The following DNAJC16 variants were observed in gnomAD, a reference collection of about 807,000 sequenced individuals.
The protein encoded by DNAJC16 is dnaJ homolog subfamily C member 16.
In DNAJC16, 76 loss-of-function variants were observed where a neutral mutation model predicts 92.7. That is an observed-to-expected ratio of 0.82 (90% CI 0.68 to 0.99). The LOEUF is 0.99. DNAJC16 is among the 50% of genes least tolerant of loss of function. The pLI is 0.00. For missense variants in DNAJC16, 869 were observed against 942.4 expected, an observed-to-expected ratio of 0.92 and a Z score of 1.02; for synonymous variants, 328 against 358.7, an observed-to-expected ratio of 0.91 and a Z score of 0.97.
At chr1:15,555,683 A>G (rs1479941519) in intron 7 of DNAJC16, among the ~76,000 whole-genome samples, 4 of 140,970 alleles carry the variant, frequency 2.8e-5, no homozygotes, top group Non-Finnish European at 4.6e-5. Context: ...CTCCGTCTCA[A>G]AAAAAAAAAA....
intron 8 of DNAJC16, among the ~76,000 whole-genome samples, chr1:15,560,553 C>T (rs935326331): frequency 6.6e-6 from 1 of 152,134 alleles, no homozygotes; most frequent in African/African-American, 2.4e-5. Context: ...AAATTTAGGG[C>T]TGTTTCATCT....
chr1:15,562,248 C>T lies in DNAJC16; in HGVS notation c.1261C>T (p.His421Tyr). The change falls in exon 9 of 15, where the codon CAT becomes TAT. Residue 421 changes from histidine (H) to tyrosine (Y), a missense_variant. Transcript: ENST00000375847. ...ANTQDTVRFV[H>Y]VYSNRQQEFA... Reference sequence around the variant, plus strand: ...CACTCAAGACACAGTGAGATTTGTGCATGTCTACAGCAATCGGCAGCAGGA... The same window carrying T: ...CACTCAAGACACAGTGAGATTTGTGTATGTCTACAGCAATCGGCAGCAGGA... 6.2e-7 allele frequency: 1 copy of T among 1,614,112 alleles called. No individual in the cohort carries two copies.
At chr1:15,552,488 C>CA (rs985405995) in intron 7 of DNAJC16, among the ~76,000 whole-genome samples, 62 of 142,942 alleles carry the variant, frequency 4.3e-4, no homozygotes, top group Middle Eastern at 3.7e-3. Flanking sequence ...GACTTCATCT[C>CA]AAAAAAAAAA....
chr1:15,559,300 T>C (rs144343992), intron 7 of DNAJC16, among the ~76,000 whole-genome samples: 5 of 152,322 alleles, frequency 3.3e-5, no homozygotes, highest in South Asian at 2.1e-4. Flanking sequence ...GTGGAAAGTG[T>C]ACTTGATTTT....
At chr1:15,539,229 T>C (rs1157273229) in intron 4 of DNAJC16, among the ~76,000 whole-genome samples, 1 of 149,996 alleles carries the variant, frequency 6.7e-6, no homozygotes, top group South Asian at 2.1e-4. Flanking sequence ...AAGTCACATA[T>C]GCCTTTTTAT....
At chr1:15,532,093 C>T (rs553166464) in intron 2 of DNAJC16, among the ~76,000 whole-genome samples, 1 of 152,278 alleles carries the variant, frequency 6.6e-6, no homozygotes, top group South Asian at 2.1e-4. Flanking sequence ...ATCGTAGGTA[C>T]TTTTTGTTTG....
At chr1:15,549,446 A>C (rs796568324) in intron 7 of DNAJC16, among the ~76,000 whole-genome samples, 47 of 152,144 alleles carry the variant, frequency 3.1e-4, no homozygotes, top group African/African-American at 1.1e-3. Context: ...CACCCCACTT[A>C]CCCCTTTTTC....
At chr1:15,550,561 T>TG (rs1638421659) in intron 7 of DNAJC16, among the ~76,000 whole-genome samples, 1 of 152,234 alleles carries the variant, frequency 6.6e-6, no homozygotes, top group Non-Finnish European at 1.5e-5. Context: ...CTTTGAGGAA[T>TG]AGTGTTGCAA....
chr1:15,571,540 G>A lies in DNAJC16; in HGVS notation c.*3363G>A, dbSNP rs1638947403. 1 of 152,620 alleles carries A rather than the reference G, an allele frequency of 6.6e-6. No homozygotes were observed. Among genetic ancestry groups the A allele is most frequent in the Admixed American group, 6.5e-5 (1 of 15,270 alleles). The allele number at this position is 152,620 out of a possible 1,614,324, so 9.5% of individuals were successfully genotyped here. A position where few individuals can be genotyped will look rare whatever the true frequency, so the allele number is the denominator to read the frequency against. On this transcript the variant is annotated 3_prime_UTR_variant, in exon 15 of 15. Coordinates refer to ENST00000375847, the MANE Select transcript of DNAJC16 (RefSeq NM_015291.4). ...GGATAATTATGCTTGGGAGAGATCT[G>A]AAAAGAAGGTGAATATTTTGCACTT...
At position 15,567,792 on chromosome 1, in the gene DNAJC16, A is replaced by C. The variant is rs776958638; in HGVS notation, c.1964A>C (p.His655Pro). ...TCTTCCTACAGGAGCAGCTGCCTAC[A>C]CTTCTCCTTCCTGAGTCTAGATAAA... ...VYTFTGSSCL[H>P]FSFLSLDKHR... Residue 655 changes from histidine (H) to proline (P), a missense_variant, in exon 15 of 15, where the codon CAC (histidine) becomes CCC (proline). His to Pro is a moderately conservative substitution (Grantham distance 77). Transcript: ENST00000375847. 11 of 1,613,622 alleles carry C rather than the reference A, an allele frequency of 6.8e-6. No individual in the cohort carries two copies. Among genetic ancestry groups the C allele is most frequent in the Non-Finnish European group, 8.5e-7 (1 of 1,179,768 alleles).
chr1:15,559,919 C>G (rs569798732), intron 8 of DNAJC16, among the ~76,000 whole-genome samples: 4 of 151,876 alleles, frequency 2.6e-5, no homozygotes, highest in African/African-American at 7.3e-5. Context: ...CAAAATTAGC[C>G]GGGCATGGTG....
At chr1:15,558,001 C>T (rs1024426554) in intron 7 of DNAJC16, among the ~76,000 whole-genome samples, 1 of 151,970 alleles carries the variant, frequency 6.6e-6, no homozygotes, top group African/African-American at 2.4e-5. Flanking sequence ...CTGCCTCAGC[C>T]TCCTGAGTAG....
intron 9 of DNAJC16, among the ~76,000 whole-genome samples, chr1:15,563,565 C>G (rs774221803): frequency 1.4e-5 from 2 of 146,306 alleles, no homozygotes; most frequent in Non-Finnish European, 3.0e-5. Flanking sequence ...TGGTGGCTCA[C>G]AGCTGTAATC....
intron 4 of DNAJC16, among the ~76,000 whole-genome samples, chr1:15,540,306 A>G (rs1710902997): frequency 6.6e-6 from 1 of 152,172 alleles, no homozygotes; most frequent in East Asian, 1.9e-4. Flanking sequence ...GGCCTGGGCG[A>G]CAGAATGAGA....
At position 15,530,061 on chromosome 1, in the gene DNAJC16, T is replaced by G. The variant is rs548911887; in HGVS notation, c.167+789T>G. 9.7e-4 allele frequency among the ~76,000 whole-genome samples: 147 copies of G among 152,240 alleles called. 1 individual carries two copies. Among genetic ancestry groups the G allele is most frequent in the African/African-American group, 3.5e-3 (145 of 41,538 alleles). On this transcript the variant is annotated intron_variant, in intron 2 of 14. Transcript: ENST00000375847. ...TTTCAAAATAGAAAATATTATATTT[T>G]GGTTGGTGGAATCCATGGATGTGAA...
intron 7 of DNAJC16, 27 bp downstream of exon 7, chr1:15,548,455 T>G: frequency 6.3e-7 from 1 of 1,580,840 alleles, no homozygotes; most frequent in Non-Finnish European, 8.6e-7. Context: ...TTGGTTAAGA[T>G]TTTCTTCACA....
At chr1:15,566,283 C>A in intron 13 of DNAJC16, 103 bp downstream of exon 13, 1 of 901,854 alleles carries the variant, frequency 1.1e-6, no homozygotes, top group Non-Finnish European at 1.7e-6. Flanking sequence ...GAAGAACTCT[C>A]ATGCACCTCC....
intron 4 of DNAJC16, among the ~76,000 whole-genome samples, chr1:15,541,916 T>C (rs1710939946): frequency 6.6e-6 from 1 of 152,230 alleles, no homozygotes; most frequent in Non-Finnish European, 1.5e-5. Context: ...TCGTATTTGA[T>C]CTTTGACTCT....
In DNAJC16 at chr1:15,535,358, A is replaced by C. The variant is rs954449; in HGVS notation, c.234+1055A>C. On this transcript the variant is annotated intron_variant, in intron 3 of 14. Transcript: ENST00000375847. Reference sequence around the variant, plus strand: ...TGAAATCTTTAATGCCAAGATGAGCATGAGTACCTAAACTGAAATATTTTA... The same window carrying C: ...TGAAATCTTTAATGCCAAGATGAGCCTGAGTACCTAAACTGAAATATTTTA... 2.6e-3 allele frequency among the ~76,000 whole-genome samples: 403 copies of C among 152,378 alleles called. 1 individual carries two copies. The highest frequency in any genetic ancestry group is 9.2e-3 in the African/African-American group (384 of 41,596).
Sources: gnomAD v4.1 joint callset for allele counts (sites outside exome capture counted in the v4.1 genomes callset) on GRCh38, gnomAD v4.1.1 for gene constraint, MANE v1.5 for transcripts, NCBI Gene and HGNC (gene_info 2026-07-23, HGNC 2026-07-21) for gene names.